TOP6BL: variants seen among roughly 807,000 people sequenced by gnomAD.
TOP6BL encodes type 2 DNA topoisomerase 6 subunit B-like.
chr11:66,748,481 A>G, the TOP6BL span: 4 of 1,548,808 alleles, frequency 2.6e-6, no homozygotes, highest in African/African-American at 4.1e-5. Flanking sequence ...ATTAAATTCT[A>G]AGCACCAGGC....
At chr11:66,768,674 T>G in the TOP6BL span, among the ~76,000 whole-genome samples, 4 of 152,010 alleles carry the variant, frequency 2.6e-5, no homozygotes, top group Admixed American at 6.6e-5. Context: ...TTTTGTTTTT[T>G]TTTTTTTTTG....
At chr11:66,802,213 G>A in the TOP6BL span, among the ~76,000 whole-genome samples, 1 of 151,558 alleles carries the variant, frequency 6.6e-6, no homozygotes, top group Admixed American at 6.6e-5. Flanking sequence ...AGGCTGGAGT[G>A]CAGATCTCAC....
chr11:66,790,877 C>G, the TOP6BL span, among the ~76,000 whole-genome samples: 3 of 152,092 alleles, frequency 2.0e-5, no homozygotes, highest in Non-Finnish European at 4.4e-5. Context: ...ATTTGGCATA[C>G]AGAGGAAAAC....
chr11:66,842,466 A>G, the TOP6BL span, among the ~76,000 whole-genome samples: 9 of 152,222 alleles, frequency 5.9e-5, no homozygotes, highest in Non-Finnish European at 1.2e-4. Context: ...GCACTGCTCA[A>G]TGCAACGTGA....
the TOP6BL span, among the ~76,000 whole-genome samples, chr11:66,801,811 C>G: frequency 6.6e-6 from 1 of 151,940 alleles, no homozygotes; most frequent in Non-Finnish European, 1.5e-5. Flanking sequence ...ACTCCAGCGA[C>G]AGAGCAAGAC....
the TOP6BL span, among the ~76,000 whole-genome samples, chr11:66,817,155 G>T: frequency 3.3e-5 from 5 of 151,530 alleles, no homozygotes; most frequent in Middle Eastern, 3.2e-3. Flanking sequence ...TCTGTCTCAA[G>T]AAATAAAATA....
At chr11:66,758,166 A>G in the TOP6BL span, 2 of 982,290 alleles carry the variant, frequency 2.0e-6, no homozygotes, top group African/African-American at 1.8e-5. Flanking sequence ...GGTAGTTCTG[A>G]TCTTTTTGTC....
the TOP6BL span, chr11:66,801,158 G>C: frequency 6.5e-7 from 1 of 1,537,560 alleles, no homozygotes; most frequent in African/African-American, 1.4e-5. Flanking sequence ...TCTCGAGTAC[G>C]AATGTGGGTA....
At chr11:66,772,410 G>A in the TOP6BL span, among the ~76,000 whole-genome samples, 19 of 152,200 alleles carry the variant, frequency 1.2e-4, no homozygotes, top group African/African-American at 2.2e-4. Context: ...GTTGTAGGGT[G>A]CAGTGAGCTA....
the TOP6BL span, among the ~76,000 whole-genome samples, chr11:66,760,772 C>T: frequency 6.6e-6 from 1 of 152,046 alleles, no homozygotes; most frequent in South Asian, 2.1e-4. Context: ...CACCACTGCA[C>T]TCCAGCCTGG....
At chr11:66,745,853 C>T in the TOP6BL span, among the ~76,000 whole-genome samples, 1 of 152,232 alleles carries the variant, frequency 6.6e-6, no homozygotes, top group African/African-American at 2.4e-5. Context: ...CTCTTTCGCC[C>T]AGGCTGGAGT....
chr11:66,759,038 T>C, the TOP6BL span: 3 of 1,557,138 alleles, frequency 1.9e-6, no homozygotes, highest in Non-Finnish European at 2.6e-6. Context: ...TTCTGTTTCT[T>C]ACAGTTGCTT....
At chr11:66,810,763 A>G in the TOP6BL span, among the ~76,000 whole-genome samples, 15 of 152,186 alleles carry the variant, frequency 9.9e-5, no homozygotes, top group African/African-American at 3.6e-4. Flanking sequence ...AGCTTCTTGC[A>G]TGACTCAGCT....
chr11:66,802,656 A>G, the TOP6BL span, among the ~76,000 whole-genome samples: 2 of 152,206 alleles, frequency 1.3e-5, no homozygotes. Context: ...AGGCAACACT[A>G]GTAGTCAAAG....
the TOP6BL span, among the ~76,000 whole-genome samples, chr11:66,819,459 G>A: frequency 6.6e-6 from 1 of 152,178 alleles, no homozygotes; most frequent in South Asian, 2.1e-4. Context: ...TTTTGAAACT[G>A]TACAGTGTAC....
chr11:66,795,149 A>G, the TOP6BL span, among the ~76,000 whole-genome samples: 2 of 151,856 alleles, frequency 1.3e-5, no homozygotes, highest in East Asian at 1.9e-4. Context: ...AAAAATATAT[A>G]TATATATACA....
At chr11:66,807,856 C>G in the TOP6BL span, among the ~76,000 whole-genome samples, 1 of 152,210 alleles carries the variant, frequency 6.6e-6, no homozygotes, top group Non-Finnish European at 1.5e-5. Flanking sequence ...CAAGGGATAA[C>G]TAGAAGGCTA....
chr11:66,836,218 CTGT>C, the TOP6BL span, among the ~76,000 whole-genome samples: 40 of 151,986 alleles, frequency 2.6e-4, no homozygotes, highest in African/African-American at 6.5e-4. Flanking sequence ...TGCCCATTTG[CTGT>C]TGTTGTTGTT....
the TOP6BL span, among the ~76,000 whole-genome samples, chr11:66,781,342 A>G: frequency 2.0e-5 from 3 of 152,140 alleles, no homozygotes; most frequent in East Asian, 1.9e-4. Context: ...TATTAAACCT[A>G]TCAAGTGAAT....
Sources: allele counts gnomAD v4.1 joint callset (sites outside exome capture counted in the v4.1 genomes callset), GRCh38; gene constraint gnomAD v4.1.1; transcripts MANE v1.5; gene names NCBI Gene and HGNC (gene_info 2026-07-23, HGNC 2026-07-21).